The following POLA1 variants were observed in gnomAD, a reference collection of about 807,000 sequenced individuals.
POLA1 encodes the protein DNA polymerase alpha catalytic subunit.
Under a neutral mutation model 124.0 loss-of-function variants are expected in POLA1, and 15 were observed. That is an observed-to-expected ratio of 0.12 (90% CI 0.08 to 0.19). The LOEUF (loss-of-function observed/expected upper bound fraction) is 0.19. Ranked by LOEUF, POLA1 falls within the 10% of genes least tolerant of loss-of-function variation. The pLI, the probability that POLA1 is intolerant of heterozygous loss-of-function variation, is 1.00. For missense variants in POLA1, 886 were observed against 1,103.4 expected (o/e 0.80, Z 2.79); for synonymous variants, 408 against 389.4 (o/e 1.05, Z -0.56).
At chrX:24,696,675 A>T (rs1928031092) in intron 1 of POLA1, among the ~76,000 whole-genome samples, 1 of 111,432 alleles carries the variant, frequency 9.0e-6, no homozygotes, top group African/African-American at 3.3e-5. Context: ...TGGGGGCCGG[A>T]TTTCACAAAC....
At chrX:24,928,980 TGTGG>T (rs2047733609) in intron 35 of POLA1, among the ~76,000 whole-genome samples, 1 of 111,896 alleles carries the variant, frequency 8.9e-6, no homozygotes, top group Non-Finnish European at 1.9e-5. Context: ...AATTGCTCCA[TGTGG>T]GTTTGTTCCT....
Position 24,703,239 on chromosome X carries a change from G to T in POLA1, c.169-12G>T. The T allele has an allele frequency of 8.7e-7, 1 of 1,152,997 alleles. No individual in the cohort carries two copies. Among genetic ancestry groups the T allele is most frequent in the Admixed American group, 2.3e-5 (1 of 43,687 alleles). On this transcript the variant is annotated splice_polypyrimidine_tract_variant and intron_variant, in intron 2 of 36. Transcript: ENST00000379068. ...ATTTGAAGCTTTTTTCCTGAAACTT[G>T]TATAATGGTAGGTCGAGGACTTCAC...
intron 34 of POLA1, among the ~76,000 whole-genome samples, chrX:24,877,512 G>A (rs923212431): frequency 1.3e-4 from 14 of 111,754 alleles, no homozygotes; most frequent in African/African-American, 4.2e-4. Flanking sequence ...GGAGGAGGGG[G>A]CCTGAGGGAG....
intron 32 of POLA1, among the ~76,000 whole-genome samples, chrX:24,839,273 A>T (rs946344428): frequency 1.8e-5 from 2 of 111,485 alleles, no homozygotes; most frequent in East Asian, 5.6e-4. Context: ...GACTATTGAG[A>T]TTGAAGCTCC....
chrX:24,849,973 A>C (rs1359681106), intron 34 of POLA1, among the ~76,000 whole-genome samples: 1 of 110,433 alleles, frequency 9.1e-6, no homozygotes, highest in Admixed American at 9.6e-5. Context: ...GGGTCTCACT[A>C]TGTTGCCCAG....
intron 35 of POLA1, among the ~76,000 whole-genome samples, chrX:24,908,799 G>A: frequency 1.8e-5 from 2 of 111,519 alleles, no homozygotes; most frequent in Middle Eastern, 4.6e-3. Context: ...AGATCCCTGA[G>A]GAATCGCCAC....
Position 24,996,029 on chromosome X carries a change from C to T in POLA1, c.*79C>T, listed in dbSNP as rs2048602399. On this transcript the variant is annotated 3_prime_UTR_variant, in exon 37 of 37. Coordinates refer to ENST00000379068, the MANE Select transcript of POLA1 (RefSeq NM_001330360.2). ...TGTGCCTCCACTCTGGCCCTAAATG[C>T]TCCTCCAGCATCTGTTTCTCCCTTG... 3 of 895,302 alleles carry T rather than the reference C, an allele frequency of 3.4e-6. No homozygotes were observed. Among genetic ancestry groups the T allele is most frequent in the East Asian group, 3.1e-5 (1 of 31,974 alleles). 73.8% of individuals were successfully genotyped at this position (895,302 alleles called of 1,213,427 possible). A position where few individuals can be genotyped will look rare whatever the true frequency, so the allele number is the denominator to read the frequency against.
At chrX:24,789,176 A>G in intron 26 of POLA1, 1 of 714,438 alleles carries the variant, frequency 1.4e-6, no homozygotes. Flanking sequence ...AGGCAAGAGA[A>G]AAAAGTAAAA....
At chrX:24,920,654 G>A (rs2047603787) in intron 35 of POLA1, among the ~76,000 whole-genome samples, 1 of 112,077 alleles carries the variant, frequency 8.9e-6, no homozygotes, top group African/African-American at 3.2e-5. Context: ...ATGACCTAAG[G>A]CAAGCCCAGT....
At chrX:24,758,840 C>T (rs763843144) in intron 26 of POLA1, among the ~76,000 whole-genome samples, 3 of 111,156 alleles carry the variant, frequency 2.7e-5, no homozygotes, top group African/African-American at 9.8e-5. Flanking sequence ...CCACCGTGCC[C>T]GGCTAATTTT....
chrX:24,884,803 T>C (rs1237080622), intron 34 of POLA1, among the ~76,000 whole-genome samples: 3 of 112,263 alleles, frequency 2.7e-5, no homozygotes, highest in Non-Finnish European at 5.6e-5. Context: ...AGATAGTAAG[T>C]ACAAACAAAC....
At chrX:24,919,272 G>T (rs2047577822) in intron 35 of POLA1, among the ~76,000 whole-genome samples, 1 of 112,272 alleles carries the variant, frequency 8.9e-6, no homozygotes, top group African/African-American at 3.2e-5. Flanking sequence ...TTAAGTTCTT[G>T]CAAGTGTCTC....
chrX:24,748,241 A>G, intron 24 of POLA1, 70 bp from the exon 25 acceptor site: 2 of 785,736 alleles, frequency 2.5e-6, no homozygotes, highest in African/African-American at 2.1e-5. Flanking sequence ...GAAAGCTCCT[A>G]TAAAATATTA....
intron 24 of POLA1, among the ~76,000 whole-genome samples, chrX:24,747,936 A>T (rs1932112519): frequency 2.7e-5 from 3 of 111,285 alleles, no homozygotes; most frequent in South Asian, 7.5e-4. Flanking sequence ...GGGTTTCACC[A>T]TGTTAGCCAG....
In POLA1 at chrX:24,930,554, G is replaced by A. The variant is rs767946660; in HGVS notation, c.4261+5G>A. 20 of 1,062,016 alleles carry A rather than the reference G, an allele frequency of 1.9e-5. No homozygotes were observed. In the Admixed American group the frequency reaches 3.7e-4, roughly 20 times the overall value. 87.5% of individuals were successfully genotyped at this position (1,062,016 alleles called of 1,213,427 possible). A position where few individuals can be genotyped will look rare whatever the true frequency, so the allele number is the denominator to read the frequency against. The stretch of plus-strand genomic sequence containing the variant: ...TTACTACCGATCATGAGAAAGGTAC[G>A]TTAAAATACTGTAATTACCTTTGAG... On this transcript the variant is annotated splice_donor_5th_base_variant and intron_variant, in intron 36 of 36. Coordinates refer to ENST00000379068, the MANE Select transcript of POLA1 (RefSeq NM_001330360.2).
At chrX:24,813,184 T>C (rs886607205) in intron 29 of POLA1, among the ~76,000 whole-genome samples, 4 of 110,983 alleles carry the variant, frequency 3.6e-5, no homozygotes, top group Admixed American at 9.6e-5. Context: ...TTTGTTTTGC[T>C]CTATTGTTGC....
rs761505212 is a variant in POLA1, at chrX:24,815,020, C to G, written c.3338C>G (p.Thr1113Ser). ...GQILSDQSRD[T>S]IVENIQKRLI... ...ATTCTTTCTGATCAAAGCCGGGACA[C>G]TATAGTGGAAAACATTCAGAAGAGG... The change falls in exon 30 of 37, where the codon ACT becomes AGT. Residue 1113 changes from threonine to serine, a missense_variant. Coordinates refer to ENST00000379068, the MANE Select transcript of POLA1 (RefSeq NM_001330360.2). 4.2e-6 allele frequency: 5 copies of G among 1,182,891 alleles called. No individual in the cohort carries two copies. The highest frequency in any genetic ancestry group is 5.7e-6 in the Non-Finnish European group (5 of 876,413).
chrX:24,992,477 G>A (rs985187508), intron 36 of POLA1, among the ~76,000 whole-genome samples: 4 of 112,533 alleles, frequency 3.6e-5, no homozygotes, highest in Non-Finnish European at 7.5e-5. Context: ...TATAACACCT[G>A]ACAGAATCAA....
At chrX:24,808,265 A>G (rs772736211) in intron 26 of POLA1, among the ~76,000 whole-genome samples, 63 of 111,708 alleles carry the variant, frequency 5.6e-4, no homozygotes, top group African/African-American at 1.9e-3. Flanking sequence ...CCACTGCTCC[A>G]AGCAGCCCTC....
Sources: gnomAD v4.1 joint callset for allele counts (sites outside exome capture counted in the v4.1 genomes callset) on GRCh38, gnomAD v4.1.1 for gene constraint, MANE v1.5 for transcripts, NCBI Gene and HGNC (gene_info 2026-07-23, HGNC 2026-07-21) for gene names.